DLGAP2: variants seen among roughly 807,000 people sequenced by gnomAD.
DLGAP2 encodes the protein DLG associated protein 2, also known as disks large-associated protein 2.
In DLGAP2, 26 loss-of-function variants were observed where a neutral mutation model predicts 100.3. That is an observed-to-expected ratio of 0.26 (90% CI 0.19 to 0.36). The LOEUF (loss-of-function observed/expected upper bound fraction) is 0.36. Ranked by LOEUF, DLGAP2 falls within the 10% of genes least tolerant of loss-of-function variation. The pLI is 1.00. For missense variants in DLGAP2, 1,858 were observed against 1,453.2 expected (o/e 1.28, Z -4.53); for synonymous variants, 886 against 630.1 (o/e 1.41, Z -6.08).
At chr8:753,201 A>G (rs2132576705) in intron 1 of DLGAP2, among the ~76,000 whole-genome samples, 1 of 152,296 alleles carries the variant, frequency 6.6e-6, no homozygotes, top group Non-Finnish European at 1.5e-5. Flanking sequence ...GGACCCCGTC[A>G]CTTACGCAGA....
chr8:981,003 C>G (rs1280159561), intron 2 of DLGAP2, among the ~76,000 whole-genome samples: 1 of 152,022 alleles, frequency 6.6e-6, no homozygotes, highest in African/African-American at 2.4e-5. Context: ...TGTTATGTGA[C>G]CAACATTACC....
chr8:1,373,881 A>G (rs747203480), intron 3 of DLGAP2: 13 of 152,466 alleles, frequency 8.5e-5, no homozygotes, highest in Admixed American at 3.3e-4. Flanking sequence ...TCCACAGTAC[A>G]TGAAGCGCGG....
intron 2 of DLGAP2, among the ~76,000 whole-genome samples, chr8:1,155,108 T>C (rs1796757462): frequency 6.6e-6 from 1 of 152,184 alleles, no homozygotes; most frequent in Non-Finnish European, 1.5e-5. Flanking sequence ...TCTTAAACCC[T>C]GCCTGGGTCC....
intron 2 of DLGAP2, among the ~76,000 whole-genome samples, chr8:1,195,522 C>T (rs181104008): frequency 2.0e-5 from 3 of 152,300 alleles, no homozygotes; most frequent in Non-Finnish European, 4.4e-5. Context: ...TGGAAAAATG[C>T]TTGCTGCCTA....
intron 3 of DLGAP2, among the ~76,000 whole-genome samples, chr8:1,457,823 C>G (rs1457961138): frequency 6.6e-6 from 1 of 151,774 alleles, no homozygotes; most frequent in East Asian, 1.9e-4. Flanking sequence ...TAGCTGTTGT[C>G]TGCAGAGTCA....
intron 2 of DLGAP2, among the ~76,000 whole-genome samples, chr8:1,229,224 A>G (rs1212937096): frequency 2.0e-5 from 3 of 152,104 alleles, no homozygotes; most frequent in Admixed American, 2.0e-4. Context: ...AGGTTTTAGT[A>G]TCAAGGTGAT....
At chr8:1,354,120 T>C (rs1253393449) in intron 3 of DLGAP2, among the ~76,000 whole-genome samples, 4 of 152,218 alleles carry the variant, frequency 2.6e-5, no homozygotes, top group Non-Finnish European at 2.9e-5. Context: ...CCAGAAATTG[T>C]AATTCTGGAA....
At position 1,059,479 on chromosome 8, in the gene DLGAP2, C is replaced by T. The variant is rs375613678; in HGVS notation, c.73+151513C>T. ...ACAGAGACCCCAGGAGCTCCAGCCT[C>T]GGGCTGCAAGAGGATTGAATGAGCA... On this transcript the variant is annotated intron_variant, in intron 2 of 14. Transcript: ENST00000637795. 4.1e-4 allele frequency among the ~76,000 whole-genome samples: 62 copies of T among 152,278 alleles called. 1 individual carries two copies. In the South Asian group the frequency reaches 6.2e-3, roughly 15 times the overall value.
At chr8:794,461 T>C (rs1795984547) in intron 1 of DLGAP2, among the ~76,000 whole-genome samples, 1 of 152,202 alleles carries the variant, frequency 6.6e-6, no homozygotes, top group Non-Finnish European at 1.5e-5. Flanking sequence ...TCTATAGATA[T>C]TAACTAAAAG....
intron 2 of DLGAP2, among the ~76,000 whole-genome samples, chr8:1,129,387 G>C (rs1796239271): frequency 2.1e-5 from 3 of 145,720 alleles, no homozygotes; most frequent in Admixed American, 7.1e-5. Context: ...GGGAGACAGA[G>C]TGAGACTCCA....
At chr8:1,284,386 G>A (rs576442966) in intron 3 of DLGAP2, among the ~76,000 whole-genome samples, 1 of 152,158 alleles carries the variant, frequency 6.6e-6, no homozygotes. Flanking sequence ...GATCCCATCA[G>A]TAATTGAGGT....
At chr8:960,713 G>T (rs545403987) in intron 2 of DLGAP2, among the ~76,000 whole-genome samples, 5 of 152,114 alleles carry the variant, frequency 3.3e-5, no homozygotes, top group Non-Finnish European at 7.4e-5. Flanking sequence ...GATGCTCCTC[G>T]ACTTATGATG....
At chr8:1,511,998 G>C (rs530774139) in intron 4 of DLGAP2, among the ~76,000 whole-genome samples, 5 of 152,264 alleles carry the variant, frequency 3.3e-5, no homozygotes, top group African/African-American at 1.2e-4. Context: ...ACTAGCTGCA[G>C]TTAGCAGTAA....
chr8:1,049,507 T>C (rs141127356), intron 2 of DLGAP2, among the ~76,000 whole-genome samples: 40 of 152,154 alleles, frequency 2.6e-4, no homozygotes, highest in Non-Finnish European at 5.0e-4. Flanking sequence ...TGTAAAAATT[T>C]ATTGTGCTTT....
chr8:1,522,028 G>T (rs1800618459), intron 4 of DLGAP2, among the ~76,000 whole-genome samples: 1 of 148,266 alleles, frequency 6.7e-6, no homozygotes, highest in South Asian at 2.2e-4. Context: ...AGGTGATTTG[G>T]GGCGTCTCTG....
intron 1 of DLGAP2, among the ~76,000 whole-genome samples, chr8:782,211 A>G (rs1245890858): frequency 6.6e-6 from 1 of 151,202 alleles, no homozygotes; most frequent in Non-Finnish European, 1.5e-5. Flanking sequence ...ATAAAAAGGT[A>G]TAAAAGTTAG....
chr8:1,461,044 C>G (rs1011614853), intron 3 of DLGAP2, among the ~76,000 whole-genome samples: 2 of 151,352 alleles, frequency 1.3e-5, no homozygotes, highest in Admixed American at 6.6e-5. Flanking sequence ...GTCGCTGATT[C>G]AGTGGCCAGG....
intron 2 of DLGAP2, among the ~76,000 whole-genome samples, chr8:1,047,616 G>T (rs747211911): frequency 5.3e-5 from 8 of 152,110 alleles, no homozygotes; most frequent in Non-Finnish European, 8.8e-5. Flanking sequence ...CAAGACACTG[G>T]CAGGGTCAGT....
intron 2 of DLGAP2, among the ~76,000 whole-genome samples, chr8:1,012,706 C>T (rs1483347345): frequency 3.9e-5 from 5 of 128,724 alleles, no homozygotes; most frequent in Non-Finnish European, 6.5e-5. Context: ...CCTACTTCAG[C>T]GGCAGTGTGG....
Sources: gnomAD v4.1 joint callset for allele counts (sites outside exome capture counted in the v4.1 genomes callset) on GRCh38, gnomAD v4.1.1 for gene constraint, MANE v1.5 for transcripts, NCBI Gene and HGNC (gene_info 2026-07-23, HGNC 2026-07-21) for gene names.